Variants in SOCS5 observed in about 807,000 individuals in gnomAD.
SOCS5 encodes the protein suppressor of cytokine signaling 5, also known as CIS-6.
Under a neutral mutation model 42.8 loss-of-function variants are expected in SOCS5, and 32 were observed. The ratio of observed to expected loss-of-function variants is 0.75; its 90% CI spans 0.56 to 1.01. SOCS5 has a LOEUF of 1.01. SOCS5 is among the 50% of genes least tolerant of loss of function. The pLI is 0.00. For missense variants in SOCS5, 627 were observed against 653.0 expected, an observed-to-expected ratio of 0.96 and a Z score of 0.43; for synonymous variants, 283 against 229.6, an observed-to-expected ratio of 1.23 and a Z score of -2.10.
intron 1 of SOCS5, among the ~76,000 whole-genome samples, chr2:46,747,524 T>A (rs1205070100): frequency 6.6e-6 from 1 of 152,188 alleles, no homozygotes; most frequent in Non-Finnish European, 1.5e-5. Flanking sequence ...CTAGTCTCTT[T>A]TAAATCTGTT....
chr2:46,717,632 A>C (rs1051534680), intron 1 of SOCS5, among the ~76,000 whole-genome samples: 2 of 151,994 alleles, frequency 1.3e-5, no homozygotes, highest in Non-Finnish European at 2.9e-5. Flanking sequence ...CACTTAATGC[A>C]GTATGTATTT....
chr2:46,720,299 C>G (rs1048007020), intron 1 of SOCS5, among the ~76,000 whole-genome samples: 1 of 152,148 alleles, frequency 6.6e-6, no homozygotes, highest in African/African-American at 2.4e-5. Context: ...TTGATTCCTG[C>G]AGACATTGCT....
At position 46,731,629 on chromosome 2, in the gene SOCS5, A is replaced by G. The variant is rs562931140; in HGVS notation, c.-12-26890A>G. Among the ~76,000 whole-genome samples the G allele has an allele frequency of 5.3e-5, 8 of 152,334 alleles. No homozygotes were observed. In the South Asian group the frequency reaches 1.7e-3, roughly 32 times the overall value. ...GTTGGAGCCAGGTTTGGCCAGTAGAACTGAACTGTTGTTGGTACATATACC... is the reference window on the plus strand; with the variant it reads ...GTTGGAGCCAGGTTTGGCCAGTAGAGCTGAACTGTTGTTGGTACATATACC... On this transcript the variant is annotated intron_variant, in intron 1 of 1. Coordinates refer to ENST00000394861, the MANE Select transcript of SOCS5 (RefSeq NM_144949.3).
chr2:46,733,856 A>G (rs1388766654), intron 1 of SOCS5, among the ~76,000 whole-genome samples: 1 of 152,222 alleles, frequency 6.6e-6, no homozygotes, highest in Non-Finnish European at 1.5e-5. Context: ...TGACACACCA[A>G]GAGTAATTGA....
chr2:46,714,924 A>T (rs1304127063), intron 1 of SOCS5, among the ~76,000 whole-genome samples: 1 of 152,066 alleles, frequency 6.6e-6, no homozygotes, highest in Non-Finnish European at 1.5e-5. Context: ...GGCCTTAATT[A>T]GTTAATCGTG....
intron 1 of SOCS5, among the ~76,000 whole-genome samples, chr2:46,704,492 A>G (rs1274151280): frequency 6.6e-6 from 1 of 152,214 alleles, no homozygotes; most frequent in Non-Finnish European, 1.5e-5. Context: ...GGGTAGAGAA[A>G]AGTGTTGAGG....
At chr2:46,702,189 C>T (rs899521071) in intron 1 of SOCS5, among the ~76,000 whole-genome samples, 1 of 152,122 alleles carries the variant, frequency 6.6e-6, no homozygotes, top group Admixed American at 6.5e-5. Flanking sequence ...AGACATTATT[C>T]TCTGTGGTTC....
chr2:46,709,515 G>C (rs1672567328), intron 1 of SOCS5, among the ~76,000 whole-genome samples: 1 of 152,164 alleles, frequency 6.6e-6, no homozygotes, highest in Non-Finnish European at 1.5e-5. Flanking sequence ...GAGGTAGAAA[G>C]ACAAGGCTGT....
At chr2:46,738,074 T>C (rs1236191467) in intron 1 of SOCS5, among the ~76,000 whole-genome samples, 1 of 152,176 alleles carries the variant, frequency 6.6e-6, no homozygotes, top group African/African-American at 2.4e-5. Context: ...TTGATGTAGA[T>C]GTTAAAATTA....
intron 1 of SOCS5, among the ~76,000 whole-genome samples, chr2:46,726,242 G>T (rs771511464): frequency 2.6e-5 from 4 of 151,940 alleles, no homozygotes; most frequent in Non-Finnish European, 5.9e-5. Flanking sequence ...GATTACAGGC[G>T]TGCACCACCA....
chr2:46,755,994 A>G (rs533443104), intron 1 of SOCS5, among the ~76,000 whole-genome samples: 3 of 152,312 alleles, frequency 2.0e-5, no homozygotes, highest in Admixed American at 6.5e-5. Context: ...ATGCTCCAGA[A>G]TAAGAATAGA....
At chr2:46,726,566 T>C (rs1350000557) in intron 1 of SOCS5, among the ~76,000 whole-genome samples, 1 of 152,146 alleles carries the variant, frequency 6.6e-6, no homozygotes, top group Non-Finnish European at 1.5e-5. Flanking sequence ...TCAGACCTTT[T>C]GATATCCCAA....
Position 46,758,647 on chromosome 2 carries a change from T to C in SOCS5, c.117T>C (p.Ser39=), listed in dbSNP as rs1337939880. The C allele has an allele frequency of 2.5e-6, 4 of 1,614,132 alleles. No individual in the cohort carries two copies. Among genetic ancestry groups the C allele is most frequent in the Non-Finnish European group, 3.4e-6 (4 of 1,179,966 alleles). The change falls in exon 2 of 2, where the codon TCT becomes TCC. Residue 39 remains serine (S), a synonymous_variant. Coordinates refer to ENST00000394861, the MANE Select transcript of SOCS5 (RefSeq NM_144949.3). ...NVDMNSNRCL[S]VKEKNISIGD... is the part of the protein sequence containing the mutation. ...ACATGAACTCCAACAGATGTTTGTC[T>C]GTCAAAGAGAAAAACATCAGCATAG...
At chr2:46,713,176 G>T (rs1672666207) in intron 1 of SOCS5, among the ~76,000 whole-genome samples, 1 of 152,086 alleles carries the variant, frequency 6.6e-6, no homozygotes, top group Admixed American at 6.5e-5. Flanking sequence ...GGCAACATAG[G>T]CAGACCCCAT....
chr2:46,711,931 A>T (rs778781125), intron 1 of SOCS5, among the ~76,000 whole-genome samples: 3 of 152,118 alleles, frequency 2.0e-5, no homozygotes, highest in Non-Finnish European at 4.4e-5. Context: ...TATTCTGTTC[A>T]TCTGTTTGTC....
intron 1 of SOCS5, among the ~76,000 whole-genome samples, chr2:46,753,418 A>G (rs1276598291): frequency 2.0e-5 from 3 of 152,216 alleles, no homozygotes; most frequent in Admixed American, 6.5e-5. Flanking sequence ...TGTAAAGTCT[A>G]ATAAAGCAAT....
At chr2:46,755,232 C>T (rs1673707578) in intron 1 of SOCS5, among the ~76,000 whole-genome samples, 1 of 152,130 alleles carries the variant, frequency 6.6e-6, no homozygotes, top group Admixed American at 6.5e-5. Flanking sequence ...ATAGTTCTCT[C>T]TCAATGTATT....
intron 1 of SOCS5, among the ~76,000 whole-genome samples, chr2:46,723,574 G>T (rs1171416015): frequency 1.3e-5 from 2 of 151,968 alleles, no homozygotes; most frequent in Non-Finnish European, 2.9e-5. Context: ...TTGCACTGTT[G>T]TCAGAAATCA....
At chr2:46,739,085 G>A (rs1049259209) in intron 1 of SOCS5, among the ~76,000 whole-genome samples, 4 of 152,116 alleles carry the variant, frequency 2.6e-5, no homozygotes, top group African/African-American at 7.2e-5. Context: ...GATGCTTCAT[G>A]TTTTTCTTTG....
Sources: allele counts gnomAD v4.1 joint callset (sites outside exome capture counted in the v4.1 genomes callset), GRCh38; gene constraint gnomAD v4.1.1; transcripts MANE v1.5; gene names NCBI Gene and HGNC (gene_info 2026-07-23, HGNC 2026-07-21).